SBF2: variants seen among roughly 807,000 people sequenced by gnomAD.
SBF2 encodes the protein myotubularin-related protein 13.
SBF2 carries 112 observed loss-of-function variants against 225.2 expected under a neutral mutation model. The observed-to-expected ratio is 0.50, with a 90% CI of 0.43 to 0.58. The LOEUF (loss-of-function observed/expected upper bound fraction) is 0.58, where lower values mean the gene tolerates loss of function less well. Among genes scored for constraint, SBF2 ranks in the 20% least tolerant of loss-of-function variants. The pLI is 0.00. For synonymous variants in SBF2, 763 were observed against 773.3 expected (o/e 0.99, Z 0.22); for missense variants, 1,996 against 2,206.2 (o/e 0.90, Z 1.91).
chr11:9,994,525 G>A (rs985457826), intron 9 of SBF2, among the ~76,000 whole-genome samples: 1 of 144,730 alleles, frequency 6.9e-6, no homozygotes, highest in African/African-American at 2.6e-5. Flanking sequence ...CACATAGTAT[G>A]GCCTAATTTA....
chr11:9,980,287 A>AC (rs1190925380), intron 13 of SBF2, among the ~76,000 whole-genome samples: 1 of 104,746 alleles, frequency 9.5e-6, no homozygotes, highest in Non-Finnish European at 1.9e-5. Context: ...GCCTCTTGTA[A>AC]TTAAAAAAAA....
At position 9,851,100 on chromosome 11, in the gene SBF2, C is replaced by T. The variant is rs745575787; in HGVS notation, c.2611-882G>A. 8.0e-4 allele frequency among the ~76,000 whole-genome samples: 116 copies of T among 144,494 alleles called. 2 individuals are homozygous for T. The highest frequency in any genetic ancestry group is 1.5e-3 in the Non-Finnish European group (99 of 66,544). The allele number at this position is 144,494 out of a possible 152,430, so 94.8% of individuals were successfully genotyped here. On this transcript the variant is annotated intron_variant, in intron 21 of 39. Transcript: ENST00000256190. ...GCAGTGAGCCGAGATTGTGCCACTG[C>T]ACTCCAGCCTGGGCAACAGAGCAAG...
At chr11:9,934,082 A>AAATAAAT (rs2134269350) in intron 16 of SBF2, among the ~76,000 whole-genome samples, 1 of 7,692 alleles carries the variant, frequency 1.3e-4, no homozygotes, top group Non-Finnish European at 3.1e-4. Flanking sequence ...ACTGTCTCAA[A>AAATAAAT]AATAAATAAA....
At chr11:9,824,963 T>G (rs1244155590) in intron 28 of SBF2, among the ~76,000 whole-genome samples, 1 of 152,194 alleles carries the variant, frequency 6.6e-6, no homozygotes. Flanking sequence ...TTAGTTCAAA[T>G]TCACTGAGAA....
chr11:9,815,088 G>A (rs1354349257), intron 29 of SBF2, among the ~76,000 whole-genome samples: 2 of 152,026 alleles, frequency 1.3e-5, no homozygotes, highest in African/African-American at 4.8e-5. Flanking sequence ...AACCTGAATG[G>A]AATATATAGA....
At chr11:9,876,243 C>G (rs1336408896) in intron 17 of SBF2, among the ~76,000 whole-genome samples, 1 of 152,178 alleles carries the variant, frequency 6.6e-6, no homozygotes, top group Non-Finnish European at 1.5e-5. Flanking sequence ...CTTGGAATCC[C>G]TCCTTCCAAT....
At position 10,021,877 on chromosome 11, in the gene SBF2, G is replaced by C. The variant is rs937866099; in HGVS notation, c.619+6575C>G. Among the ~76,000 whole-genome samples, 5 of 152,122 alleles carry C rather than the reference G, an allele frequency of 3.3e-5. No homozygotes were observed. The East Asian group carries it at 7.7e-4, about 23-fold the overall frequency. On this transcript the variant is annotated intron_variant, in intron 6 of 39. Transcript: ENST00000256190. ...AGAATTATCACCACCATGTGCTTTG[G>C]AAACAACAACTCTGCACACTGCACT...
At chr11:10,164,619 T>C (rs1180646860) in intron 2 of SBF2, among the ~76,000 whole-genome samples, 1 of 152,210 alleles carries the variant, frequency 6.6e-6, no homozygotes, top group Non-Finnish European at 1.5e-5. Context: ...GGGAGCACGG[T>C]GCTTCCTTTA....
intron 25 of SBF2, among the ~76,000 whole-genome samples, chr11:9,840,089 C>T (rs1432028965): frequency 6.6e-6 from 1 of 151,942 alleles, no homozygotes; most frequent in African/African-American, 2.4e-5. Context: ...AAAAAATTAG[C>T]CAGGTGTGGC....
intron 2 of SBF2, among the ~76,000 whole-genome samples, chr11:10,092,419 T>A (rs1347347144): frequency 6.6e-6 from 1 of 152,204 alleles, no homozygotes; most frequent in Non-Finnish European, 1.5e-5. Flanking sequence ...TTTTGCAGCT[T>A]ATGTATGGCT....
At position 9,781,607 on chromosome 11, in the gene SBF2, C is replaced by T. The variant is rs761743495; in HGVS notation, c.5351G>A (p.Ser1784Asn). The T allele has an allele frequency of 1.2e-6, 2 of 1,614,106 alleles. No homozygotes were observed. The highest frequency in any genetic ancestry group is 4.5e-5 in the East Asian group (2 of 44,902). ...LRYYDSGEDT[S>N]CKGHIDLAEV... ...AGCCAGATCAATGTGGCCTTTACAG[C>T]TTGTGTCCTCACCTGAGTCATAGTA... Residue 1784 changes from serine (S) to asparagine (N), a missense_variant, in exon 39 of 40, where the codon AGC becomes AAC. Physicochemically the swap from Ser to Asn is conservative, Grantham distance 46. Transcript: ENST00000256190.
chr11:10,028,340 T>C, intron 6 of SBF2, 112 bp downstream of exon 6: 1 of 739,294 alleles, frequency 1.4e-6, no homozygotes, highest in Non-Finnish European at 2.4e-6. Flanking sequence ...ATAAAATATT[T>C]AATGGTTTAA....
rs1956797600 is a variant in SBF2, at chr11:10,183,011, T to C, written c.141+10891A>G. 2.0e-5 allele frequency among the ~76,000 whole-genome samples: 3 copies of C among 152,010 alleles called. No homozygotes were observed. In the South Asian group the frequency reaches 6.2e-4, roughly 32 times the overall value. On this transcript the variant is annotated intron_variant, in intron 2 of 39. Transcript: ENST00000256190. ...TGGTCTTGATCTCTTGACTTTGTGA[T>C]CCGCCCGCCTCGGCCTCCCAAAGTG...
intron 1 of SBF2, among the ~76,000 whole-genome samples, chr11:10,214,235 A>C (rs764833259): frequency 1.6e-4 from 25 of 152,326 alleles, no homozygotes; most frequent in Non-Finnish European, 3.2e-4. Context: ...AGTTCTGATA[A>C]CTAAAAAATG....
At chr11:9,970,193 A>G (rs1867234708) in intron 13 of SBF2, among the ~76,000 whole-genome samples, 2 of 151,230 alleles carry the variant, frequency 1.3e-5, no homozygotes, top group Non-Finnish European at 2.9e-5. Flanking sequence ...TAAACTCAAT[A>G]CTATCCCATA....
intron 2 of SBF2, among the ~76,000 whole-genome samples, chr11:10,097,458 T>A (rs754074118): frequency 4.1e-4 from 62 of 152,326 alleles, no homozygotes; most frequent in Non-Finnish European, 7.8e-4. Flanking sequence ...TCCAGGCAAG[T>A]GCCTGTCTAT....
intron 35 of SBF2, among the ~76,000 whole-genome samples, chr11:9,788,355 C>T (rs753962127): frequency 6.6e-6 from 1 of 152,166 alleles, no homozygotes; most frequent in Non-Finnish European, 1.5e-5. Flanking sequence ...ATTCCTCAGG[C>T]TGGCTACTGC....
intron 13 of SBF2, among the ~76,000 whole-genome samples, chr11:9,976,912 C>G (rs61877009): frequency 0.21 from 32,343 of 151,384 alleles, 3,541 homozygotes; most frequent in East Asian, 0.28. Flanking sequence ...TGGGACTACA[C>G]GCGCCCACCA....
chr11:10,246,724 A>C (rs1959831884), intron 1 of SBF2, among the ~76,000 whole-genome samples: 1 of 152,258 alleles, frequency 6.6e-6, no homozygotes, highest in Non-Finnish European at 1.5e-5. Flanking sequence ...ATCTTTCCAC[A>C]AACAAAACTC....
Sources: gnomAD v4.1 joint callset for allele counts (sites outside exome capture counted in the v4.1 genomes callset) on GRCh38, gnomAD v4.1.1 for gene constraint, MANE v1.5 for transcripts, NCBI Gene and HGNC (gene_info 2026-07-23, HGNC 2026-07-21) for gene names.